The following TMPRSS15 variants were observed in gnomAD, a reference collection of about 807,000 sequenced individuals.
The protein encoded by TMPRSS15 is enteropeptidase.
TMPRSS15 carries 128 observed loss-of-function variants against 125.3 expected under a neutral mutation model. The observed-to-expected ratio is 1.02, with a 90% CI of 0.89 to 1.18. TMPRSS15 has a LOEUF of 1.18. Among genes scored for constraint, TMPRSS15 ranks in the 50% most tolerant of loss-of-function variants. The pLI, the probability that TMPRSS15 is intolerant of heterozygous loss-of-function variation, is 0.00. For missense variants in TMPRSS15, 1,283 were observed against 1,212.7 expected, an observed-to-expected ratio of 1.06 and a Z score of -0.86; for synonymous variants, 446 against 423.2, an observed-to-expected ratio of 1.05 and a Z score of -0.66.
intron 1 of TMPRSS15, among the ~76,000 whole-genome samples, chr21:18,411,288 G>A (rs990893543): frequency 2.0e-5 from 3 of 151,874 alleles, no homozygotes; most frequent in African/African-American, 7.3e-5. Flanking sequence ...AGACCCAGCT[G>A]TATATATAAG....
chr21:18,393,864 T>C (rs944547425), intron 3 of TMPRSS15, among the ~76,000 whole-genome samples: 1 of 152,186 alleles, frequency 6.6e-6, no homozygotes, highest in Non-Finnish European at 1.5e-5. Context: ...CAGTTCTAAA[T>C]ATACCAATAC....
At chr21:18,369,065 G>A (rs1318628527) in intron 6 of TMPRSS15, among the ~76,000 whole-genome samples, 1 of 152,018 alleles carries the variant, frequency 6.6e-6, no homozygotes, top group African/African-American at 2.4e-5. Context: ...TTATTAGACT[G>A]TGCAGTGCTT....
At position 18,383,787 on chromosome 21, in the gene TMPRSS15, C is replaced by G; in HGVS notation, c.345-9G>C. 6.2e-7 allele frequency: 1 copy of G among 1,611,986 alleles called. No individual in the cohort carries two copies. Among genetic ancestry groups the G allele is most frequent in the Non-Finnish European group, 8.5e-7 (1 of 1,178,974 alleles). ...CTATAATGCTGCCATTTCTGCAAAG[C>G]AAAAGAGGATATAAGAGGAAAAAGT... On this transcript the variant is annotated splice_polypyrimidine_tract_variant and intron_variant, in intron 3 of 24. Transcript: ENST00000284885.
At chr21:18,340,138 T>G (rs1269736000) in intron 13 of TMPRSS15, among the ~76,000 whole-genome samples, 1 of 152,088 alleles carries the variant, frequency 6.6e-6, no homozygotes, top group Non-Finnish European at 1.5e-5. Flanking sequence ...CAAAGAAGAT[T>G]AACATTTGAG....
At chr21:18,344,176 T>C in intron 10 of TMPRSS15, 116 bp from the exon 11 acceptor site, 1 of 882,762 alleles carries the variant, frequency 1.1e-6, no homozygotes, top group Non-Finnish European at 1.8e-6. Context: ...AGGAAATATA[T>C]TTTAATATAG....
intron 3 of TMPRSS15, among the ~76,000 whole-genome samples, chr21:18,396,271 T>C (rs1273517022): frequency 2.6e-5 from 4 of 152,184 alleles, no homozygotes; most frequent in Non-Finnish European, 5.9e-5. Flanking sequence ...GAAGTTGTTA[T>C]ATTCTGTGGG....
chr21:18,329,396 T>A (rs1373596613), intron 14 of TMPRSS15, 102 bp from the exon 15 acceptor site: 1 of 1,267,316 alleles, frequency 7.9e-7, no homozygotes, highest in South Asian at 1.5e-5. Flanking sequence ...AAAAATCAAT[T>A]TTTTTTCCAC....
chr21:18,395,212 C>T (rs1476561955), intron 3 of TMPRSS15, among the ~76,000 whole-genome samples: 1 of 152,148 alleles, frequency 6.6e-6, no homozygotes, highest in East Asian at 1.9e-4. Flanking sequence ...GCAAACACTG[C>T]TTGGACAATT....
upstream of TMPRSS15, among the ~76,000 whole-genome samples, chr21:18,404,837 T>A (rs1776669353): frequency 6.6e-6 from 1 of 152,092 alleles, no homozygotes; most frequent in South Asian, 2.1e-4. Context: ...GAATTTTTGC[T>A]GATAAAAATA....
intron 1 of TMPRSS15, among the ~76,000 whole-genome samples, chr21:18,421,394 T>C (rs1373137211): frequency 6.6e-6 from 1 of 152,152 alleles, no homozygotes; most frequent in Non-Finnish European, 1.5e-5. Flanking sequence ...GTGGATAGTT[T>C]TTACTTAATT....
rs531709026 is a variant in TMPRSS15, at chr21:18,428,853, C to A, written c.11-30524G>T. Among the ~76,000 whole-genome samples the A allele has an allele frequency of 4.6e-5, 7 of 152,284 alleles. No homozygotes were observed. The Middle Eastern group carries it at 0.01, about 222-fold the overall frequency. ...CACAGAGGCCCTACTGGGGCACCAC[C>A]TAGTGGAGCTGTGAGAAGAGAGTCA... On this transcript the variant is annotated intron_variant, in intron 1 of 7. Coordinates refer to the TMPRSS15 transcript ENST00000422787.
At chr21:18,314,868 T>C (rs902196707) in intron 17 of TMPRSS15, among the ~76,000 whole-genome samples, 1 of 152,058 alleles carries the variant, frequency 6.6e-6, no homozygotes, top group African/African-American at 2.4e-5. Flanking sequence ...ATTGTCTCTG[T>C]GGTATTCTCG....
chr21:18,321,952 C>T (rs1288182883), intron 16 of TMPRSS15, among the ~76,000 whole-genome samples: 1 of 152,160 alleles, frequency 6.6e-6, no homozygotes, highest in Non-Finnish European at 1.5e-5. Context: ...ATTGAAGACT[C>T]CATTCTAGCT....
intron 5 of TMPRSS15, among the ~76,000 whole-genome samples, chr21:18,374,355 C>T (rs2075820217): frequency 1.3e-5 from 2 of 151,062 alleles, no homozygotes; most frequent in Admixed American, 1.3e-4. Flanking sequence ...CGCCTGTAGT[C>T]CCAGCTACTC....
At chr21:18,313,657 T>C (rs1004483108) in intron 17 of TMPRSS15, among the ~76,000 whole-genome samples, 8 of 151,946 alleles carry the variant, frequency 5.3e-5, no homozygotes, top group African/African-American at 1.4e-4. Context: ...TAGTTTTTCT[T>C]AAGAGCATGA....
At chr21:18,422,045 A>G (rs2076193211) in intron 1 of TMPRSS15, among the ~76,000 whole-genome samples, 1 of 148,178 alleles carries the variant, frequency 6.7e-6, no homozygotes, top group Non-Finnish European at 1.5e-5. Context: ...GTGCAGTGGC[A>G]TGACCTAGGC....
intron 1 of TMPRSS15, among the ~76,000 whole-genome samples, chr21:18,474,295 ATT>A (rs67852303): frequency 3.5e-5 from 5 of 144,764 alleles, no homozygotes; most frequent in African/African-American, 1.0e-4. Flanking sequence ...ACATTTTGCT[ATT>A]TTTTTTTTTT....
chr21:18,281,833 C>T (rs527974495), intron 21 of TMPRSS15, among the ~76,000 whole-genome samples: 61 of 152,180 alleles, frequency 4.0e-4, no homozygotes, highest in East Asian at 2.9e-3. Flanking sequence ...CGCGGTGGCT[C>T]ACGCCTGTAA....
At chr21:18,295,446 C>CATT (rs1298301089) in intron 19 of TMPRSS15, among the ~76,000 whole-genome samples, 2 of 152,166 alleles carry the variant, frequency 1.3e-5, no homozygotes, top group African/African-American at 4.8e-5. Flanking sequence ...AAAACACACA[C>CATT]ATTATACATG....
Sources: gnomAD v4.1 joint callset for allele counts (sites outside exome capture counted in the v4.1 genomes callset) on GRCh38, gnomAD v4.1.1 for gene constraint, MANE v1.5 for transcripts, NCBI Gene and HGNC (gene_info 2026-07-23, HGNC 2026-07-21) for gene names.